Variants in NCALD observed in about 807,000 individuals in gnomAD.
The protein encoded by NCALD is neurocalcin-delta.
In NCALD, 10 loss-of-function variants were observed where a neutral mutation model predicts 18.6. The observed-to-expected ratio is 0.54, with a 90% CI of 0.33 to 0.91. NCALD has a LOEUF of 0.91. Ranked by LOEUF, NCALD falls within the 40% of genes least tolerant of loss-of-function variation. The probability of loss-of-function intolerance (pLI) is 0.03; values close to 1 mark genes in which losing one functional copy is unlikely to be tolerated. For missense variants in NCALD, 184 were observed against 247.6 expected (o/e 0.74, Z 1.72); for synonymous variants, 88 against 87.4 (o/e 1.01, Z -0.04).
At chr8:101,999,721 A>T (rs911615069) in intron 2 of NCALD, among the ~76,000 whole-genome samples, 2 of 152,200 alleles carry the variant, frequency 1.3e-5, no homozygotes, top group Non-Finnish European at 2.9e-5. Context: ...TTAATAAAAA[A>T]TAAAAGTAGG....
chr8:102,063,556 A>C (rs1823912996), intron 1 of NCALD, among the ~76,000 whole-genome samples: 1 of 152,174 alleles, frequency 6.6e-6, no homozygotes, highest in African/African-American at 2.4e-5. Flanking sequence ...TGAAACTTCA[A>C]ATTTTTCCAT....
chr8:101,926,048 G>C (rs1457145389), intron 2 of NCALD, among the ~76,000 whole-genome samples: 1 of 152,188 alleles, frequency 6.6e-6, no homozygotes, highest in Admixed American at 6.5e-5. Context: ...ATGTGGCTTT[G>C]GTGGGGCAAC....
At chr8:102,114,739 A>G (rs989237393) in intron 1 of NCALD, among the ~76,000 whole-genome samples, 3 of 152,222 alleles carry the variant, frequency 2.0e-5, no homozygotes, top group African/African-American at 7.2e-5. Flanking sequence ...ACCAGAAGTC[A>G]GAAGAAAAGA....
In NCALD at chr8:101,888,021, TCAGCGTCA is replaced by T. The variant is rs1816736082; in HGVS notation, c.-106-802_-106-795del. Among the ~76,000 whole-genome samples, 3 of 152,158 alleles carry T rather than the reference TCAGCGTCA, an allele frequency of 2.0e-5. No individual in the cohort carries two copies. In the South Asian group the frequency reaches 6.2e-4, roughly 32 times the overall value. On this transcript the variant is annotated intron_variant, in intron 3 of 6. Transcript: ENST00000311028. ...ATATCTATCATCCAAGAGGACAGTG[TCAGCGTCA>T]TGGCAGTCCCAGTGAAAGTTCTGAG...
chr8:101,865,581 G>T (rs1376254803), intron 4 of NCALD, among the ~76,000 whole-genome samples: 2 of 151,844 alleles, frequency 1.3e-5, no homozygotes, highest in Non-Finnish European at 2.9e-5. Flanking sequence ...AAATCCTCTG[G>T]GGTTCCCTTT....
intron 4 of NCALD, among the ~76,000 whole-genome samples, chr8:101,876,242 C>T (rs1458096742): frequency 6.6e-6 from 1 of 152,214 alleles, no homozygotes; most frequent in Non-Finnish European, 1.5e-5. Flanking sequence ...CAGACATCAA[C>T]TCATTCTCCA....
intron 2 of NCALD, among the ~76,000 whole-genome samples, chr8:102,002,938 A>G (rs1444944648): frequency 1.3e-5 from 2 of 152,200 alleles, no homozygotes; most frequent in Non-Finnish European, 1.5e-5. Flanking sequence ...AAGATCTAAA[A>G]TTGACACCCT....
intron 2 of NCALD, among the ~76,000 whole-genome samples, chr8:102,007,228 T>C (rs1029368251): frequency 1.4e-4 from 21 of 152,230 alleles, no homozygotes; most frequent in Non-Finnish European, 1.5e-5. Flanking sequence ...TGTTTATTTA[T>C]TAATTTTGAC....
At chr8:101,958,181 A>G (rs1819704499) in intron 2 of NCALD, among the ~76,000 whole-genome samples, 1 of 152,136 alleles carries the variant, frequency 6.6e-6, no homozygotes, top group Non-Finnish European at 1.5e-5. Flanking sequence ...GCAATTCTAA[A>G]TTCAGAGAAA....
intron 1 of NCALD, among the ~76,000 whole-genome samples, chr8:101,738,568 A>T (rs1586358173): frequency 8.3e-6 from 1 of 120,602 alleles, no homozygotes; most frequent in Non-Finnish European, 1.9e-5. Context: ...AAAAAAAAAA[A>T]AAAAGAAGAA....
In NCALD at chr8:101,781,726, G is replaced by A. The variant is rs374773127; in HGVS notation, c.-20+9136C>T. On this transcript the variant is annotated intron_variant, in intron 1 of 3. Coordinates refer to ENST00000220931, the MANE Select transcript of NCALD (RefSeq NM_032041.3). ...GAGTGAAATTATCATCAATATCAAC[G>A]CATTACTCTTCACTAGAATGATTAA... is the stretch of plus-strand genomic sequence containing the variant. Among the ~76,000 whole-genome samples, 161 of 152,172 alleles carry A rather than the reference G, an allele frequency of 1.1e-3. 8 individuals carry two copies. In the South Asian group the frequency reaches 0.03, roughly 28 times the overall value.
chr8:101,897,516 T>TA lies in NCALD; in HGVS notation c.-106-10290dup, dbSNP rs58572688. On this transcript the variant is annotated intron_variant, in intron 3 of 6. Coordinates refer to the NCALD transcript ENST00000311028. ...ATGTACCCTAAAACTTAAAGTATAA[T>TA]AAAAAAAAAAGAAAGTACTACAGTT... Among the ~76,000 whole-genome samples, 312 of 147,776 alleles carry TA rather than the reference T, an allele frequency of 2.1e-3. 1 individual carries two copies. The highest frequency in any genetic ancestry group is 7.0e-3 in the Middle Eastern group (2 of 286).
At chr8:101,692,712 G>A in intron 3 of NCALD, 79 bp downstream of exon 3, 1 of 1,473,272 alleles carries the variant, frequency 6.8e-7, no homozygotes, top group African/African-American at 1.4e-5. Flanking sequence ...AGGGCCTCGA[G>A]TGGCACTTCC....
At chr8:101,859,138 C>G (rs541309998) in intron 4 of NCALD, among the ~76,000 whole-genome samples, 1 of 152,104 alleles carries the variant, frequency 6.6e-6, no homozygotes, top group Non-Finnish European at 1.5e-5. Flanking sequence ...ATAAAGCAGG[C>G]AGAAGTTGGA....
At chr8:102,078,814 A>G (rs1289600174) in intron 1 of NCALD, among the ~76,000 whole-genome samples, 1 of 152,212 alleles carries the variant, frequency 6.6e-6, no homozygotes, top group Non-Finnish European at 1.5e-5. Context: ...ACTCATCAGT[A>G]TCTGAAAGTG....
intron 4 of NCALD, among the ~76,000 whole-genome samples, chr8:101,885,676 C>G (rs1246268138): frequency 6.6e-6 from 1 of 152,212 alleles, no homozygotes; most frequent in East Asian, 1.9e-4. Flanking sequence ...GGAGCTCACT[C>G]TAGCAAGGAA....
intron 1 of NCALD, among the ~76,000 whole-genome samples, chr8:102,115,953 A>ACT (rs147264092): frequency 0.14 from 20,856 of 152,054 alleles, 1,566 homozygotes; most frequent in Non-Finnish European, 0.16. Context: ...AGCCTCTTTC[A>ACT]CACCCCTTTA....
At chr8:101,876,139 G>A (rs1816217804) in intron 4 of NCALD, among the ~76,000 whole-genome samples, 1 of 152,226 alleles carries the variant, frequency 6.6e-6, no homozygotes, top group Admixed American at 6.5e-5. Flanking sequence ...GAAAATAGTA[G>A]AGGAATGCCC....
intron 4 of NCALD, chr8:101,852,728 G>A (rs1007821817): frequency 1.2e-4 from 18 of 152,192 alleles, no homozygotes; most frequent in African/African-American, 4.3e-4. Context: ...AATTTAAGTC[G>A]ATACTATGAT....
Sources: gnomAD v4.1 joint callset for allele counts (sites outside exome capture counted in the v4.1 genomes callset) on GRCh38, gnomAD v4.1.1 for gene constraint, MANE v1.5 for transcripts, NCBI Gene and HGNC (gene_info 2026-07-23, HGNC 2026-07-21) for gene names.